UBR1: variants seen among roughly 807,000 people sequenced by gnomAD.
The protein encoded by UBR1 is ubiquitin protein ligase E3 component n-recognin 1.
UBR1 carries 102 observed loss-of-function variants against 242.1 expected under a neutral mutation model. The observed-to-expected ratio is 0.42, with a 90% CI of 0.36 to 0.50. The LOEUF (loss-of-function observed/expected upper bound fraction) is 0.50. UBR1 is among the 20% of genes least tolerant of loss of function. UBR1 has a pLI of 0.01. For missense variants in UBR1, 1,772 were observed against 2,101.8 expected (o/e 0.84, Z 3.07); for synonymous variants, 675 against 684.8 (o/e 0.99, Z 0.22).
At chr15:43,032,531 C>T in intron 20 of UBR1, 37 bp downstream of exon 20, 1 of 1,407,140 alleles carries the variant, frequency 7.1e-7, no homozygotes, top group Non-Finnish European at 1.0e-6. Flanking sequence ...AAAAAGTAAC[C>T]CATGTTCTAT....
At chr15:43,086,805 C>T (rs1389863322) in intron 1 of UBR1, among the ~76,000 whole-genome samples, 1 of 152,138 alleles carries the variant, frequency 6.6e-6, no homozygotes, top group African/African-American at 2.4e-5. Flanking sequence ...CAATGAGATA[C>T]CCCTGTACAA....
chr15:42,969,601 T>C (rs1291008474), intron 40 of UBR1, among the ~76,000 whole-genome samples: 8 of 152,176 alleles, frequency 5.3e-5, no homozygotes, highest in Non-Finnish European at 1.2e-4. Flanking sequence ...CATGCCTATG[T>C]CCTGAATGGC....
intron 29 of UBR1, among the ~76,000 whole-genome samples, chr15:43,011,660 G>GCACGTATATA (rs2032924832): frequency 6.6e-6 from 1 of 152,064 alleles, no homozygotes; most frequent in African/African-American, 2.4e-5. Context: ...AGTAAATTAG[G>GCACGTATATA]CACGTATATA....
At chr15:43,077,365 C>T (rs1023804552) in intron 3 of UBR1, among the ~76,000 whole-genome samples, 1 of 151,950 alleles carries the variant, frequency 6.6e-6, no homozygotes, top group Non-Finnish European at 1.5e-5. Context: ...CAACCTTGTG[C>T]TCTCTGAAAC....
intron 37 of UBR1, among the ~76,000 whole-genome samples, chr15:42,978,696 CTT>C (rs1322218982): frequency 6.6e-6 from 1 of 150,432 alleles, no homozygotes; most frequent in African/African-American, 2.4e-5. Flanking sequence ...GGAGAAGACT[CTT>C]TTCAGACTAG....
chr15:43,080,821 C>T (rs2033966341), intron 3 of UBR1, among the ~76,000 whole-genome samples: 1 of 152,038 alleles, frequency 6.6e-6, no homozygotes, highest in African/African-American at 2.4e-5. Flanking sequence ...CATGGTGGTA[C>T]ACATCTGTAA....
chr15:42,973,885 GT>G (rs1174730906), intron 39 of UBR1, among the ~76,000 whole-genome samples: 1,734 of 120,234 alleles, frequency 0.014, 12 homozygotes, highest in African/African-American at 0.05. Context: ...ACTTGTAGGA[GT>G]TTTTTTTTTT....
intron 29 of UBR1, among the ~76,000 whole-genome samples, chr15:43,014,257 C>G (rs994560757): frequency 1.6e-4 from 24 of 152,252 alleles, no homozygotes; most frequent in African/African-American, 5.3e-4. Context: ...AGCCGCCTGC[C>G]TTGGCCTCCC....
rs1337489964 is a variant in UBR1, at chr15:42,943,221, T to G, written c.*2108A>C. 6.6e-6 allele frequency: 1 copy of G among 152,626 alleles called. No homozygotes were observed. Among genetic ancestry groups the G allele is most frequent in the South Asian group, 2.1e-4 (1 of 4,834 alleles). 9.5% of individuals were successfully genotyped at this position (152,626 alleles called of 1,614,324 possible). On this transcript the variant is annotated 3_prime_UTR_variant, in exon 47 of 47. Coordinates refer to ENST00000290650, the MANE Select transcript of UBR1 (RefSeq NM_174916.3). ...ATCATTAAAATTCTCACTAGCCCCT[T>G]ACCAAACATTAGAAAAACACAGTTC...
intron 1 of UBR1, among the ~76,000 whole-genome samples, chr15:43,101,866 G>A (rs2034238785): frequency 6.7e-6 from 1 of 148,578 alleles, no homozygotes; most frequent in Non-Finnish European, 1.5e-5. Flanking sequence ...TACTTGGAAG[G>A]TTGAGGCAGG....
intron 1 of UBR1, among the ~76,000 whole-genome samples, chr15:43,094,007 C>G (rs1197232215): frequency 1.3e-5 from 2 of 152,002 alleles, no homozygotes; most frequent in Non-Finnish European, 2.9e-5. Flanking sequence ...GAAATTTGGC[C>G]AGCCCTAAAG....
At chr15:43,091,949 G>T (rs759589474) in intron 1 of UBR1, 1 of 416,472 alleles carries the variant, frequency 2.4e-6, no homozygotes, top group South Asian at 1.7e-5. Flanking sequence ...AGCCAGATGC[G>T]GTGGCACATA....
chr15:43,052,058 C>T (rs1385971385), intron 12 of UBR1, among the ~76,000 whole-genome samples: 1 of 152,190 alleles, frequency 6.6e-6, no homozygotes, highest in Non-Finnish European at 1.5e-5. Context: ...AGTGACAAAA[C>T]TAAATAGACA....
At chr15:42,963,478 G>C (rs1424883271) in intron 42 of UBR1, among the ~76,000 whole-genome samples, 1 of 152,126 alleles carries the variant, frequency 6.6e-6, no homozygotes, top group African/African-American at 2.4e-5. Flanking sequence ...CTGAAAGAAG[G>C]ACACATTTCT....
intron 3 of UBR1, among the ~76,000 whole-genome samples, chr15:43,077,496 G>A (rs894102187): frequency 2.0e-5 from 3 of 151,494 alleles, no homozygotes; most frequent in African/African-American, 7.3e-5. Flanking sequence ...TAAGTACCCA[G>A]GGACACAAAC....
At chr15:43,076,592 C>G (rs142212132) in intron 3 of UBR1, among the ~76,000 whole-genome samples, 1 of 150,446 alleles carries the variant, frequency 6.6e-6, no homozygotes, top group Non-Finnish European at 1.5e-5. Flanking sequence ...TCTGCTGGGC[C>G]GCAACCCTGT....
intron 6 of UBR1, among the ~76,000 whole-genome samples, chr15:43,067,266 G>A (rs2033766581): frequency 6.6e-6 from 1 of 151,490 alleles, no homozygotes; most frequent in Non-Finnish European, 1.5e-5. Context: ...AATAATTTGC[G>A]ATCACATAAG....
At chr15:43,043,486 G>A (rs2033445656) in intron 14 of UBR1, 91 bp from the exon 15 acceptor site, 5 of 1,238,476 alleles carry the variant, frequency 4.0e-6, no homozygotes, top group Non-Finnish European at 5.8e-6. Context: ...CTGTGGCCTA[G>A]GCTGGAGTAC....
chr15:43,022,758 T>C lies in UBR1; in HGVS notation c.2783A>G (p.Gln928Arg). The stretch of plus-strand genomic sequence containing the variant: ...TTCTTCTTCAGGAGCTTTTTGAAGC[T>C]GTTGCTTCTCTTCTAGTAAACCCAA... ...LALGLLEEKQQLQKAPEEEVT... is the reference protein window; with the variant it reads ...LALGLLEEKQRLQKAPEEEVT... The change falls in exon 26 of 47, where the codon CAG becomes CGG. Residue 928 changes from glutamine (Q) to arginine (R), a missense_variant. This residue lies in a region of UBR1 where 965 missense variants were observed against 1,079.7 expected (regional missense o/e 0.89). Coordinates refer to ENST00000290650, the MANE Select transcript of UBR1 (RefSeq NM_174916.3). 1 of 1,612,382 alleles carries C rather than the reference T, an allele frequency of 6.2e-7. No homozygotes were observed. Among genetic ancestry groups the C allele is most frequent in the Non-Finnish European group, 8.5e-7 (1 of 1,179,010 alleles).
Sources: allele counts gnomAD v4.1 joint callset (sites outside exome capture counted in the v4.1 genomes callset), GRCh38; gene constraint gnomAD v4.1.1; regional missense constraint gnomAD v4.1.1; transcripts MANE v1.5; gene names NCBI Gene and HGNC (gene_info 2026-07-23, HGNC 2026-07-21).